The following CIT variants were observed in gnomAD, a reference collection of about 807,000 sequenced individuals.
CIT encodes citron Rho-interacting kinase.
CIT carries 79 observed loss-of-function variants against 272.7 expected under a neutral mutation model. That is an observed-to-expected ratio of 0.29 (90% CI 0.24 to 0.35). The LOEUF is 0.35. Ranked by LOEUF, CIT falls within the 10% of genes least tolerant of loss-of-function variation. CIT has a pLI of 1.00. For missense variants in CIT, 1,909 were observed against 2,618.3 expected (o/e 0.73, Z 5.91); for synonymous variants, 948 against 995.6 (o/e 0.95, Z 0.90).
At chr12:119,798,233 C>T (rs970971014) in intron 10 of CIT, among the ~76,000 whole-genome samples, 1 of 152,192 alleles carries the variant, frequency 6.6e-6, no homozygotes, top group Admixed American at 6.5e-5. Context: ...CAGCTCCCAT[C>T]ACACCCTGCC....
intron 23 of CIT, among the ~76,000 whole-genome samples, chr12:119,748,797 G>A (rs2137385708): frequency 6.6e-6 from 1 of 152,318 alleles, no homozygotes; most frequent in Middle Eastern, 3.4e-3. Context: ...ACAGAGGAGT[G>A]AAAACACAAA....
Position 119,768,336 on chromosome 12 carries a change from C to G in CIT, c.2209-1154G>C, listed in dbSNP as rs2137561908. On this transcript the variant is annotated intron_variant, in intron 18 of 47. Coordinates refer to ENST00000392521, the MANE Select transcript of CIT (RefSeq NM_001206999.2). The surrounding 1 kb of genome is among the most constrained non-coding windows in gnomAD (Gnocchi z 4.3). ...ACTAAAACATTCTGTAAATGCACAG[C>G]TGCATCTATATTAATTCTTATGAAT... Among the ~76,000 whole-genome samples the G allele has an allele frequency of 6.6e-6, 1 of 152,320 alleles. No homozygotes were observed. The highest frequency in any genetic ancestry group is 1.9e-4 in the East Asian group (1 of 5,188).
Position 119,782,544 on chromosome 12 carries a change from G to A in CIT, c.1639C>T (p.Arg547Trp), listed in dbSNP as rs1189610734. The A allele has an allele frequency of 3.1e-6, 5 of 1,613,984 alleles. No homozygotes were observed. Among genetic ancestry groups the A allele is most frequent in the South Asian group, 1.1e-5 (1 of 91,060 alleles). ...TGCTCTTTGATTTCTTGGAGCTTCC[G>A]GCTCTGCTCTCTGATATCATGGAGA... is the stretch of plus-strand genomic sequence containing the variant. The part of the protein sequence containing the change: ...QLLHDIREQS[R>W]KLQEIKEQEY... Residue 547 changes from arginine (R) to tryptophan (W), a missense_variant, in exon 13 of 48, where the codon CGG (arginine) becomes TGG (tryptophan). Transcript: ENST00000392521.
At chr12:119,834,867 TAG>T (rs1566106255) in intron 5 of CIT, among the ~76,000 whole-genome samples, 2 of 152,200 alleles carry the variant, frequency 1.3e-5, no homozygotes. Context: ...ATCCATCAGT[TAG>T]AGACTGGCTA....
intron 2 of CIT, among the ~76,000 whole-genome samples, chr12:119,869,999 C>A (rs1410420931): frequency 6.6e-6 from 1 of 152,160 alleles, no homozygotes; most frequent in Admixed American, 6.5e-5. Flanking sequence ...ATACTCACTG[C>A]CTGGCCCCCA....
At chr12:119,752,502 G>A (rs1960397487) in intron 22 of CIT, among the ~76,000 whole-genome samples, 1 of 152,082 alleles carries the variant, frequency 6.6e-6, no homozygotes, top group Non-Finnish European at 1.5e-5. Flanking sequence ...TCAAATGCCT[G>A]GGAAGACTTT....
intron 24 of CIT, among the ~76,000 whole-genome samples, chr12:119,737,107 A>G (rs548505772): frequency 5.3e-5 from 8 of 152,192 alleles, no homozygotes; most frequent in African/African-American, 1.7e-4. Flanking sequence ...GGAGATCAAG[A>G]CCATCCCGGC....
chr12:119,786,429 A>T (rs1217385265), intron 10 of CIT, among the ~76,000 whole-genome samples: 2 of 152,216 alleles, frequency 1.3e-5, no homozygotes, highest in African/African-American at 4.8e-5. Flanking sequence ...GAGAGATTCC[A>T]GGACAGCTGC....
chr12:119,821,196 G>A (rs2138032146), intron 9 of CIT, among the ~76,000 whole-genome samples: 1 of 151,890 alleles, frequency 6.6e-6, no homozygotes, highest in African/African-American at 2.4e-5. Context: ...TTGGGAGGCT[G>A]AGGCAGGAGA....
chr12:119,813,081 AT>A (rs1176290748), intron 9 of CIT, among the ~76,000 whole-genome samples: 2 of 152,178 alleles, frequency 1.3e-5, no homozygotes, highest in African/African-American at 4.8e-5. Flanking sequence ...GGAGGCCACC[AT>A]TCTTCTCTGT....
chr12:119,784,229 GA>G lies in CIT; in HGVS notation c.1402-179del. Reference sequence around the variant, plus strand: ...CAGGAGCGCACAGTTCTTCGTTAAGGACAGTCACCAAATGCTAAGTCACTCC... The same window carrying G: ...CAGGAGCGCACAGTTCTTCGTTAAGGCAGTCACCAAATGCTAAGTCACTCC... On this transcript the variant is annotated intron_variant, in intron 11 of 47. Coordinates refer to ENST00000392521, the MANE Select transcript of CIT (RefSeq NM_001206999.2). This position sits in a 1 kb window ranked among gnomAD's most constrained non-coding sequence, Gnocchi z 4.7. The G allele has an allele frequency of 6.3e-7, 1 of 1,597,544 alleles. No individual in the cohort carries two copies. Among genetic ancestry groups the G allele is most frequent in the Non-Finnish European group, 8.5e-7 (1 of 1,170,198 alleles).
rs767237301 is a variant in CIT at position 119,734,283 on chromosome 12, C to T, written c.3231G>A (p.Glu1077=). 5.0e-6 allele frequency: 8 copies of T among 1,613,916 alleles called. No individual in the cohort carries two copies. The highest frequency in any genetic ancestry group is 1.1e-5 in the South Asian group (1 of 91,076). Residue 1077 remains glutamate (E), a synonymous_variant, in exon 26 of 48, where the codon GAG becomes GAA. Transcript: ENST00000392521. ...CCCACTGCCGCTCTTTTTCTAGCAG[C>T]TCATCGTTTAGGGCCTCCAAATCCA... ...QVMDLEALND[E]LLEKERQWEA... is the part of the protein sequence containing the mutation.
At chr12:119,838,886 G>A (rs1283032348) in intron 5 of CIT, among the ~76,000 whole-genome samples, 2 of 152,140 alleles carry the variant, frequency 1.3e-5, no homozygotes, top group African/African-American at 4.8e-5. Flanking sequence ...CCAAGGCATG[G>A]TAATCAAAGG....
intron 26 of CIT, among the ~76,000 whole-genome samples, chr12:119,733,278 C>T (rs1958570021): frequency 6.6e-6 from 1 of 151,818 alleles, no homozygotes; most frequent in African/African-American, 2.4e-5. Context: ...GCTTGTAATC[C>T]CAGCACTCTG....
In CIT at chr12:119,701,683, A is replaced by C. The variant is rs1383131821; in HGVS notation, c.5483T>G (p.Val1828Gly). The C allele has an allele frequency of 6.2e-7, 1 of 1,614,226 alleles. No individual in the cohort carries two copies. Among genetic ancestry groups the C allele is most frequent in the Admixed American group, 1.7e-5 (1 of 60,032 alleles). Reference sequence around the variant, plus strand: ...TGCGCTGTTCACCTGCACGATTGAGACAGGGAAGCTGTTGGAAGAGGCGGC... The same window carrying C: ...TGCGCTGTTCACCTGCACGATTGAGCCAGGGAAGCTGTTGGAAGAGGCGGC... ...VFAASSNSFPVSIVQVNSAGQ... is the reference protein window; with the variant it reads ...VFAASSNSFPGSIVQVNSAGQ... The change falls in exon 43 of 48, where the codon GTC (valine) becomes GGC (glycine). Residue 1828 changes from valine (V) to glycine (G), a missense_variant. Physicochemically the swap from Val to Gly is moderately radical, Grantham distance 109. Around this residue, in one of 8 missense-constraint regions of CIT, gnomAD observed 780 missense variants for 1,067.2 expected, o/e 0.73. Coordinates refer to ENST00000392521, the MANE Select transcript of CIT (RefSeq NM_001206999.2).
At position 119,753,698 on chromosome 12, in the gene CIT, T is replaced by C. The variant is rs1222174269; in HGVS notation, c.2707-1451A>G. Among the ~76,000 whole-genome samples the C allele has an allele frequency of 5.9e-5, 9 of 151,312 alleles. No homozygotes were observed. The South Asian group carries it at 1.9e-3, about 32-fold the overall frequency. On this transcript the variant is annotated intron_variant, in intron 22 of 47. Coordinates refer to ENST00000392521, the MANE Select transcript of CIT (RefSeq NM_001206999.2). ...GTTGCAGTGGGCCAAGATTGCGCCA[T>C]TGTACTCCAGCCTGGGTGACAGAGC... is the stretch of plus-strand genomic sequence containing the variant.
chr12:119,724,837 G>A (rs1957996960), intron 28 of CIT, among the ~76,000 whole-genome samples: 1 of 150,068 alleles, frequency 6.7e-6, no homozygotes, highest in Non-Finnish European at 1.5e-5. Context: ...TACTCGGGAG[G>A]CTGAGGCAGA....
chr12:119,817,936 T>C (rs1445340890), intron 9 of CIT, among the ~76,000 whole-genome samples: 1 of 151,956 alleles, frequency 6.6e-6, no homozygotes, highest in African/African-American at 2.4e-5. Context: ...ATCCAATTCC[T>C]GCAATTCCAA....
chr12:119,852,130 A>C (rs1297799477), intron 4 of CIT, among the ~76,000 whole-genome samples: 2 of 152,236 alleles, frequency 1.3e-5, no homozygotes, highest in African/African-American at 4.8e-5. Flanking sequence ...GATCAAAGTG[A>C]GCATCAACAT....
Sources: gnomAD v4.1 joint callset for allele counts (sites outside exome capture counted in the v4.1 genomes callset) on GRCh38, gnomAD v4.1.1 for gene constraint, gnomAD v4.1.1 regional missense constraint, Gnocchi (gnomAD v3.1) non-coding constraint, MANE v1.5 for transcripts, NCBI Gene and HGNC (gene_info 2026-07-23, HGNC 2026-07-21) for gene names.